CETN3: variants seen among roughly 807,000 people sequenced by gnomAD.
CETN3 encodes the protein centrin-3.
Under a neutral mutation model 20.1 loss-of-function variants are expected in CETN3, and 17 were observed. That is an observed-to-expected ratio of 0.85 (90% CI 0.58 to 1.27). CETN3 has a LOEUF of 1.27. Ranked by LOEUF, CETN3 falls within the 50% of genes most tolerant of loss-of-function variation. The pLI, the probability that CETN3 is intolerant of heterozygous loss-of-function variation, is 0.00. For synonymous variants in CETN3, 52 were observed against 59.7 expected, an observed-to-expected ratio of 0.87 and a Z score of 0.59; for missense variants, 169 against 191.2, an observed-to-expected ratio of 0.88 and a Z score of 0.69.
chr5:90,407,583 T>C (rs1376180433), intron 2 of CETN3, 116 bp downstream of exon 2: 1 of 695,422 alleles, frequency 1.4e-6, no homozygotes, highest in Non-Finnish European at 2.1e-6. Context: ...TTAAAATGCC[T>C]TCATAGTTCC....
intron 3 of CETN3, among the ~76,000 whole-genome samples, chr5:90,401,614 A>G (rs1438023100): frequency 6.6e-6 from 1 of 152,188 alleles, no homozygotes. Flanking sequence ...CTAGAAATAC[A>G]GCTTTAACTG....
intron 4 of CETN3, among the ~76,000 whole-genome samples, chr5:90,397,308 A>T (rs1749157309): frequency 6.6e-6 from 1 of 152,100 alleles, no homozygotes; most frequent in Non-Finnish European, 1.5e-5. Flanking sequence ...CTTCTCTATT[A>T]ACAATATCTT....
chr5:90,396,810 A>G (rs1341573200), intron 4 of CETN3, among the ~76,000 whole-genome samples: 1 of 152,148 alleles, frequency 6.6e-6, no homozygotes, highest in Non-Finnish European at 1.5e-5. Context: ...ACTTTAAACT[A>G]TAATAGCATT....
chr5:90,397,190 T>TA (rs1237869639), intron 4 of CETN3, among the ~76,000 whole-genome samples: 14 of 152,034 alleles, frequency 9.2e-5, no homozygotes, highest in African/African-American at 2.9e-4. Context: ...CCCAAGAAAG[T>TA]AAAAATTAGA....
At chr5:90,409,467 T>C (rs373111413) in intron 1 of CETN3, among the ~76,000 whole-genome samples, 178 bp downstream of exon 1, 20 of 152,352 alleles carry the variant, frequency 1.3e-4, no homozygotes, top group African/African-American at 4.3e-4. Flanking sequence ...TCTCGTTCCC[T>C]GCAGGGCATC....
At chr5:90,394,904 C>T (rs1339007039) in intron 4 of CETN3, among the ~76,000 whole-genome samples, 1 of 152,022 alleles carries the variant, frequency 6.6e-6, no homozygotes, top group Non-Finnish European at 1.5e-5. Context: ...CCGACATATG[C>T]GCACGTATCA....
intron 2 of CETN3, among the ~76,000 whole-genome samples, chr5:90,406,399 A>AC (rs1749441461): frequency 1.3e-5 from 2 of 151,876 alleles, no homozygotes; most frequent in Non-Finnish European, 2.9e-5. Context: ...CTGGTATTAA[A>AC]AGAAACACTG....
chr5:90,406,840 C>CA (rs762527758), intron 2 of CETN3, among the ~76,000 whole-genome samples: 17,907 of 60,340 alleles, frequency 0.3, 2,223 homozygotes, highest in Non-Finnish European at 0.36. Flanking sequence ...TCTGGGTAAC[C>CA]AAAAAAAAAA....
intron 3 of CETN3, among the ~76,000 whole-genome samples, chr5:90,404,955 C>T (rs1030102438): frequency 6.6e-6 from 1 of 151,876 alleles, no homozygotes; most frequent in African/African-American, 2.4e-5. Context: ...ATAGCAACAT[C>T]CTTGCCTTCC....
intron 1 of CETN3, among the ~76,000 whole-genome samples, chr5:90,409,276 G>A (rs1561409959): frequency 6.6e-6 from 1 of 152,160 alleles, no homozygotes; most frequent in African/African-American, 2.4e-5. Context: ...CGGAGCAGCC[G>A]AGGTGGGGCC....
At chr5:90,396,061 A>C in intron 4 of CETN3, 1 of 936,666 alleles carries the variant, frequency 1.1e-6, no homozygotes, top group South Asian at 4.9e-5. Flanking sequence ...ACTAATAAGA[A>C]AAATTTAGGT....
intron 2 of CETN3, 73 bp from the exon 3 acceptor site, chr5:90,405,872 C>A: frequency 1.1e-6 from 1 of 915,560 alleles, no homozygotes; most frequent in South Asian, 1.5e-5. Context: ...TAAGTTTTTA[C>A]ATCTTAAGAG....
At chr5:90,409,312 G>A (rs1325619822) in intron 1 of CETN3, among the ~76,000 whole-genome samples, 1 of 152,194 alleles carries the variant, frequency 6.6e-6, no homozygotes, top group Non-Finnish European at 1.5e-5. Flanking sequence ...GATGAATGAA[G>A]GGATGTCCGC....
chr5:90,407,599 C>A, intron 2 of CETN3, 100 bp downstream of exon 2: 1 of 896,488 alleles, frequency 1.1e-6, no homozygotes, highest in Non-Finnish European at 1.5e-6. Flanking sequence ...GTTCCAAAAC[C>A]AATTTAGTTA....
Position 90,409,741 on chromosome 5 carries a change from A to G in CETN3, c.-80T>C, listed in dbSNP as rs1749580664. ...GGCAGCAAGACGCCCACAGCCGTTC[A>G]ACAGACACGAACGACCTCAGCGGCC... On this transcript the variant is annotated 5_prime_UTR_variant, in exon 1 of 5. Transcript: ENST00000283122. 8.4e-6 allele frequency: 13 copies of G among 1,539,990 alleles called. No individual in the cohort carries two copies. Among genetic ancestry groups the G allele is most frequent in the Middle Eastern group, 1.7e-4 (1 of 5,922 alleles).
intron 4 of CETN3, among the ~76,000 whole-genome samples, chr5:90,398,896 G>A (rs1348705529): frequency 6.6e-6 from 1 of 152,194 alleles, no homozygotes; most frequent in African/African-American, 2.4e-5. Flanking sequence ...TTTTCATTGT[G>A]TAGCACCAGT....
At chr5:90,398,071 G>C (rs1225343694) in intron 4 of CETN3, among the ~76,000 whole-genome samples, 1 of 151,996 alleles carries the variant, frequency 6.6e-6, no homozygotes, top group Non-Finnish European at 1.5e-5. Flanking sequence ...GGGGCAGGGG[G>C]AAGTGACTCT....
rs756211755 is a variant in CETN3 at position 90,394,132 on chromosome 5, A to G, written c.461-25T>C. Reference sequence around the variant, plus strand: ...ACTGTGGTAAGAAAGAAAATGAAATAGTCAGAAATATAAACATTTTATTTT... The same window carrying G: ...ACTGTGGTAAGAAAGAAAATGAAATGGTCAGAAATATAAACATTTTATTTT... On this transcript the variant is annotated intron_variant, in intron 4 of 4. Coordinates refer to ENST00000283122, the MANE Select transcript of CETN3 (RefSeq NM_004365.4). 3.4e-6 allele frequency: 5 copies of G among 1,450,956 alleles called. No individual in the cohort carries two copies. In the African/African-American group the frequency reaches 5.6e-5, roughly 16 times the overall value. 89.9% of individuals were successfully genotyped at this position (1,450,956 alleles called of 1,614,324 possible). A position where few individuals can be genotyped will look rare whatever the true frequency, so the allele number is the denominator to read the frequency against.
chr5:90,394,131 TAGTC>T, intron 4 of CETN3, 24 bp from the exon 5 acceptor site: 1 of 1,449,266 alleles, frequency 6.9e-7, no homozygotes, highest in Non-Finnish European at 9.5e-7. Context: ...GAAAATGAAA[TAGTC>T]AGAAATATAA....
Sources: gnomAD v4.1 joint callset for allele counts (sites outside exome capture counted in the v4.1 genomes callset) on GRCh38, gnomAD v4.1.1 for gene constraint, MANE v1.5 for transcripts, NCBI Gene and HGNC (gene_info 2026-07-23, HGNC 2026-07-21) for gene names.